The following KIF15 variants were observed in gnomAD, a reference collection of about 807,000 sequenced individuals.
The protein encoded by KIF15 is kinesin family member 15, also known as kinesin-like protein KIF15.
In KIF15, 140 loss-of-function variants were observed where a neutral mutation model predicts 190.6. The observed-to-expected ratio is 0.73, with a 90% CI of 0.64 to 0.84. The LOEUF (loss-of-function observed/expected upper bound fraction) is 0.84. Among genes scored for constraint, KIF15 ranks in the 40% least tolerant of loss-of-function variants. The pLI, the probability that KIF15 is intolerant of heterozygous loss-of-function variation, is 0.00. For synonymous variants in KIF15, 528 were observed against 551.3 expected, an observed-to-expected ratio of 0.96 and a Z score of 0.59; for missense variants, 1,372 against 1,584.4, an observed-to-expected ratio of 0.87 and a Z score of 2.28.
intron 11 of KIF15, among the ~76,000 whole-genome samples, 189 bp from the exon 12 acceptor site, chr3:44,801,261 C>G (rs973869595): frequency 2.6e-5 from 4 of 151,426 alleles, no homozygotes; most frequent in African/African-American, 9.7e-5. Context: ...CTGCTGACCT[C>G]AAGAAAGATA....
Position 44,861,908 on chromosome 3 carries a change from C to A in KIF15, c.*59+9114C>A. 2.7e-6 allele frequency: 4 copies of A among 1,484,064 alleles called. No individual in the cohort carries two copies. In the South Asian group the frequency reaches 3.8e-5, roughly 14 times the overall value. The allele number at this position is 1,484,064 out of a possible 1,614,324, so 91.9% of individuals were successfully genotyped here. A position where few individuals can be genotyped will look rare whatever the true frequency, so the allele number is the denominator to read the frequency against. The stretch of plus-strand genomic sequence containing the variant: ...CCCTGCGGGCAGCGGGTGCCAGGCA[C>A]GGTGTCAGCAGGCAACATGGCCGAG... On this transcript the variant is annotated intron_variant and NMD_transcript_variant, in intron 6 of 6. Transcript: ENST00000422209.
intron 6 of KIF15, among the ~76,000 whole-genome samples, chr3:44,866,502 G>T (rs950676275): frequency 3.9e-5 from 6 of 152,278 alleles, no homozygotes; most frequent in African/African-American, 1.2e-4. Flanking sequence ...CTCCCCTGGG[G>T]TGTCCGAGGG....
At chr3:44,761,960 CG>C in intron 1 of KIF15, 76 bp downstream of exon 1, 1 of 1,590,806 alleles carries the variant, frequency 6.3e-7, no homozygotes, top group Non-Finnish European at 8.6e-7. Flanking sequence ...AGCCTCGGAC[CG>C]CCCGCAAGGT....
intron 6 of KIF15, chr3:44,865,583 A>C (rs1699312720): frequency 5.0e-6 from 1 of 199,988 alleles, no homozygotes; most frequent in East Asian, 1.0e-4. Context: ...ATGCTGATGT[A>C]TCAGGCCATC....
At chr3:44,822,003 A>C (rs974472586) in intron 20 of KIF15, among the ~76,000 whole-genome samples, 1 of 152,086 alleles carries the variant, frequency 6.6e-6, no homozygotes, top group African/African-American at 2.4e-5. Flanking sequence ...GCGTGCCTGC[A>C]ATTGCAGGCA....
intron 28 of KIF15, among the ~76,000 whole-genome samples, chr3:44,840,859 C>T (rs912893966): frequency 1.3e-5 from 2 of 151,472 alleles, no homozygotes; most frequent in African/African-American, 4.9e-5. Context: ...ATTTTAGTAG[C>T]GACAGGGTTT....
In KIF15 at chr3:44,852,687, G is replaced by A; in HGVS notation, c.4119G>A (p.Leu1373=). The A allele has an allele frequency of 6.3e-7, 1 of 1,596,418 alleles. No individual in the cohort carries two copies. The highest frequency in any genetic ancestry group is 1.4e-5 in the African/African-American group (1 of 73,788). Residue 1373 remains leucine, a synonymous_variant, in exon 35 of 35, where the codon TTG becomes TTA. Transcript: ENST00000326047. ...AAATTACTTAGGAGACAGAAAAGTT[G>A]CGTGCCGAAAATGTATTTTTAAAAG... ...NVRLAEETEK[L]RAENVFLKEK...
At chr3:44,813,539 C>T (rs542403363) in intron 19 of KIF15, among the ~76,000 whole-genome samples, 1 of 152,102 alleles carries the variant, frequency 6.6e-6, no homozygotes, top group African/African-American at 2.4e-5. Flanking sequence ...ACCTCAGCCT[C>T]CTGAGTAGTA....
In KIF15 at chr3:44,826,039, G is replaced by T. The variant is rs372428648; in HGVS notation, c.2550G>T (p.Arg850Ser). The T allele has an allele frequency of 1.9e-6, 3 of 1,579,086 alleles. No homozygotes were observed. The highest frequency in any genetic ancestry group is 2.6e-6 in the Non-Finnish European group (3 of 1,170,182). Reference protein sequence around the residue: ...MHVQLQLDNLRLENEKLLESK... With the variant: ...MHVQLQLDNLSLENEKLLESK... ...TTTTTAAAATGTTTTCCTTATAAAG[G>T]TTAGAAAACGAAAAGCTGCTTGAGA... The change falls in exon 21 of 35, where the codon AGG (arginine) becomes AGT (serine). Residue 850 changes from arginine to serine, a missense_variant and splice_region_variant. Transcript: ENST00000326047.
chr3:44,792,662 T>C (rs1447941045), intron 7 of KIF15, among the ~76,000 whole-genome samples: 1 of 151,696 alleles, frequency 6.6e-6, no homozygotes, highest in Non-Finnish European at 1.5e-5. Context: ...TTCTCCTGCC[T>C]CAGCCTCCCG....
At chr3:44,840,096 C>T (rs1370325575) in intron 27 of KIF15, among the ~76,000 whole-genome samples, 1 of 152,144 alleles carries the variant, frequency 6.6e-6, no homozygotes, top group Non-Finnish European at 1.5e-5. Context: ...TGTTGAGGAA[C>T]TTCCATACTA....
chr3:44,865,544 A>G (rs1346070854), intron 6 of KIF15: 6 of 236,470 alleles, frequency 2.5e-5, no homozygotes, highest in Non-Finnish European at 5.1e-5. Flanking sequence ...CTCTAGAAGC[A>G]GTGACTGGTG....
At chr3:44,857,479 A>C (rs1028600894), downstream of KIF15, among the ~76,000 whole-genome samples, 1 of 152,228 alleles carries the variant, frequency 6.6e-6, no homozygotes, top group African/African-American at 2.4e-5. Flanking sequence ...CTTGTGTAAG[A>C]ATTCCGACTG....
At chr3:44,841,873 A>G (rs747832306) in intron 29 of KIF15, among the ~76,000 whole-genome samples, 1 of 152,168 alleles carries the variant, frequency 6.6e-6, no homozygotes, top group Non-Finnish European at 1.5e-5. Context: ...GAGCTTTTTA[A>G]TGCATACATA....
chr3:44,802,784 T>C (rs758104850), intron 13 of KIF15, 30 bp from the exon 14 acceptor site: 1 of 1,517,906 alleles, frequency 6.6e-7, no homozygotes, highest in Non-Finnish European at 8.8e-7. Context: ...TTTGTAAATA[T>C]ATAATGCGTG....
chr3:44,838,515 G>T lies in KIF15; in HGVS notation c.3318+94G>T, dbSNP rs1698434827. 6 of 1,269,238 alleles carry T rather than the reference G, an allele frequency of 4.7e-6. No individual in the cohort carries two copies. In the Admixed American group the frequency reaches 1.4e-4, roughly 30 times the overall value. The allele number at this position is 1,269,238 out of a possible 1,614,324, so 78.6% of individuals were successfully genotyped here. ...TCCCAGCACTTTGAGAGGCCAAGGGGGTGGACCACTTGAAGTCAGGAGTTC... is the reference window on the plus strand; with the variant it reads ...TCCCAGCACTTTGAGAGGCCAAGGGTGTGGACCACTTGAAGTCAGGAGTTC... On this transcript the variant is annotated intron_variant, in intron 27 of 34. Transcript: ENST00000326047.
At chr3:44,782,874 G>GGGGCT (rs1055593007) in intron 5 of KIF15, among the ~76,000 whole-genome samples, 1 of 152,194 alleles carries the variant, frequency 6.6e-6, no homozygotes, top group Non-Finnish European at 1.5e-5. Flanking sequence ...TCCAGGATAA[G>GGGGCT]GGGCTGGTAG....
At chr3:44,848,085 C>A (rs758887145) in intron 31 of KIF15, 28 bp downstream of exon 31, 1 of 1,358,474 alleles carries the variant, frequency 7.4e-7, no homozygotes, top group Non-Finnish European at 1.0e-6. Context: ...GTAATAGTTT[C>A]TTCTTGTCTG....
rs568543645 is a variant in KIF15, at chr3:44,828,125, T to C, written c.2857-89T>C. 29 of 883,654 alleles carry C rather than the reference T, an allele frequency of 3.3e-5. 1 individual carries two copies. In the Middle Eastern group the frequency reaches 6.7e-4, roughly 20 times the overall value. 54.7% of individuals were successfully genotyped at this position (883,654 alleles called of 1,614,324 possible). On this transcript the variant is annotated intron_variant, in intron 23 of 34. Transcript: ENST00000326047. ...TACTCCTAGCATAGACTCTATAATA[T>C]GAAAAGCTGCTTTCAACTTGTTTAT...
Sources: allele counts gnomAD v4.1 joint callset (sites outside exome capture counted in the v4.1 genomes callset), GRCh38; gene constraint gnomAD v4.1.1; transcripts MANE v1.5; gene names NCBI Gene and HGNC (gene_info 2026-07-23, HGNC 2026-07-21).